FHOD3: variants seen among roughly 807,000 people sequenced by gnomAD.
FHOD3 encodes the protein formin homology 2 domain containing 3.
Under a neutral mutation model 173.0 loss-of-function variants are expected in FHOD3, and 90 were observed. The ratio of observed to expected loss-of-function variants is 0.52; its 90% CI spans 0.44 to 0.62. The LOEUF is 0.62. Among genes scored for constraint, FHOD3 ranks in the 20% least tolerant of loss-of-function variants. The pLI is 0.00. For missense variants in FHOD3, 1,945 were observed against 2,034.7 expected, an observed-to-expected ratio of 0.96 and a Z score of 0.85; for synonymous variants, 828 against 823.0, an observed-to-expected ratio of 1.01 and a Z score of -0.10.
At chr18:36,771,410 C>T (rs2043374330) in intron 28 of FHOD3, among the ~76,000 whole-genome samples, 1 of 152,162 alleles carries the variant, frequency 6.6e-6, no homozygotes, top group South Asian at 2.1e-4. Context: ...ATAACATTTC[C>T]TGTGGTTTTA....
chr18:36,397,143 T>C (rs1456803054), intron 3 of FHOD3, among the ~76,000 whole-genome samples: 4 of 152,246 alleles, frequency 2.6e-5, no homozygotes, highest in Admixed American at 1.3e-4. Context: ...CATGGGACCA[T>C]TGACTTACCT....
chr18:36,404,262 G>T (rs1235428695), intron 3 of FHOD3, among the ~76,000 whole-genome samples: 4 of 152,118 alleles, frequency 2.6e-5, no homozygotes, highest in Non-Finnish European at 5.9e-5. Flanking sequence ...GCCTGCTTGG[G>T]GTGTTGGTGA....
chr18:36,401,358 C>T (rs1232906959), intron 3 of FHOD3, among the ~76,000 whole-genome samples: 3 of 152,226 alleles, frequency 2.0e-5, no homozygotes, highest in Non-Finnish European at 4.4e-5. Flanking sequence ...TTACCTTGAT[C>T]TTGGCCTTCC....
chr18:36,728,467 G>A (rs2041186461), intron 19 of FHOD3, among the ~76,000 whole-genome samples: 1 of 152,166 alleles, frequency 6.6e-6, no homozygotes, highest in Non-Finnish European at 1.5e-5. Context: ...GAAGAGTGGG[G>A]AGGCATGTAT....
At chr18:36,717,549 G>C (rs1469808224) in intron 18 of FHOD3, among the ~76,000 whole-genome samples, 1 of 152,098 alleles carries the variant, frequency 6.6e-6, no homozygotes, top group African/African-American at 2.4e-5. Context: ...CCGCTGCCTT[G>C]GGTGGGCAGG....
At chr18:36,384,570 C>CAA (rs57653216) in intron 3 of FHOD3, among the ~76,000 whole-genome samples, 4,779 of 115,090 alleles carry the variant, frequency 0.042, 241 homozygotes, top group African/African-American at 0.12. Flanking sequence ...AACTGCATCT[C>CAA]AAAAAAAAAA....
intron 3 of FHOD3, among the ~76,000 whole-genome samples, chr18:36,377,281 A>G (rs1268320586): frequency 6.6e-6 from 1 of 152,136 alleles, no homozygotes; most frequent in East Asian, 1.9e-4. Context: ...TTCTGACCAG[A>G]CCGAGTACCA....
chr18:36,748,478 T>C (rs766304389), intron 24 of FHOD3, among the ~76,000 whole-genome samples: 102 of 152,216 alleles, frequency 6.7e-4, no homozygotes, highest in Non-Finnish European at 1.3e-3. Flanking sequence ...TATGAATGTC[T>C]TATAAAGCTG....
chr18:36,545,441 G>T, intron 5 of FHOD3, among the ~76,000 whole-genome samples: 1 of 152,188 alleles, frequency 6.6e-6, no homozygotes, highest in East Asian at 1.9e-4. Context: ...TTCACCCAAA[G>T]AATGGAGCCA....
intron 18 of FHOD3, among the ~76,000 whole-genome samples, chr18:36,713,510 TAATC>T (rs1447045060): frequency 1.3e-5 from 2 of 152,096 alleles, no homozygotes; most frequent in South Asian, 2.1e-4. Context: ...TTCTGAAAAA[TAATC>T]AAAGGGGATG....
At chr18:36,451,726 C>A (rs2144328422) in intron 3 of FHOD3, among the ~76,000 whole-genome samples, 1 of 152,324 alleles carries the variant, frequency 6.6e-6, no homozygotes, top group East Asian at 1.9e-4. Flanking sequence ...AGGATGAAAT[C>A]AGCTTCTCTG....
intron 17 of FHOD3, among the ~76,000 whole-genome samples, chr18:36,704,142 G>C (rs567076166): frequency 1.2e-4 from 18 of 152,162 alleles, no homozygotes; most frequent in Non-Finnish European, 2.1e-4. Flanking sequence ...ATGCAGTTTA[G>C]TGTTGATTTT....
chr18:36,675,941 T>TGTTCA (rs1302404191), intron 14 of FHOD3, among the ~76,000 whole-genome samples: 1 of 152,214 alleles, frequency 6.6e-6, no homozygotes, highest in Non-Finnish European at 1.5e-5. Context: ...TAACTATTGA[T>TGTTCA]GTTCAGTTAG....
rs776850658 is a variant in FHOD3, at chr18:36,709,389, C to T, written c.2531C>T (p.Thr844Ile). 1 of 1,610,816 alleles carries T rather than the reference C, an allele frequency of 6.2e-7. No homozygotes were observed. The highest frequency in any genetic ancestry group is 8.5e-7 in the Non-Finnish European group (1 of 1,177,926). Residue 844 changes from threonine (T) to isoleucine (I), a missense_variant and splice_region_variant, in exon 18 of 29, where the codon ACT becomes ATT. By Grantham distance (89) the Thr-to-Ile change is moderately conservative. Coordinates refer to ENST00000590592, the MANE Select transcript of FHOD3 (RefSeq NM_001281740.3). ...KEDKLSRDRT[T>I]GLWPAGVQDA... ...GACAAGCTCTCCAGGGACAGGACAA[C>T]TGGTAAATGAAGCCCCTTGTTTCAG...
intron 1 of FHOD3, among the ~76,000 whole-genome samples, chr18:36,327,993 A>C (rs902175338): frequency 6.6e-5 from 10 of 152,098 alleles, no homozygotes; most frequent in Admixed American, 1.3e-4. Context: ...AAGCCCCCCC[A>C]CAACCTTAGG....
chr18:36,703,893 T>C (rs1181932608), intron 17 of FHOD3, among the ~76,000 whole-genome samples: 1 of 152,186 alleles, frequency 6.6e-6, no homozygotes, highest in African/African-American at 2.4e-5. Flanking sequence ...CCCCCTTCCA[T>C]GGGTTCTCAT....
At chr18:36,756,398 T>A (rs1307847309) in intron 25 of FHOD3, among the ~76,000 whole-genome samples, 2 of 152,186 alleles carry the variant, frequency 1.3e-5, no homozygotes, top group Non-Finnish European at 2.9e-5. Flanking sequence ...GCACATGGAC[T>A]TCTGGCAATA....
chr18:36,745,801 C>T (rs1421430937), intron 23 of FHOD3, among the ~76,000 whole-genome samples: 5 of 149,730 alleles, frequency 3.3e-5, no homozygotes, highest in East Asian at 2.0e-4. Context: ...CTGCACCCTC[C>T]GCTCACTTCC....
intron 13 of FHOD3, among the ~76,000 whole-genome samples, chr18:36,653,955 A>G (rs1444159039): frequency 1.3e-5 from 2 of 152,218 alleles, no homozygotes; most frequent in Non-Finnish European, 2.9e-5. Context: ...AAGGCTAAGT[A>G]CCTTGACCAG....
Sources: gnomAD v4.1 joint callset for allele counts (sites outside exome capture counted in the v4.1 genomes callset) on GRCh38, gnomAD v4.1.1 for gene constraint, MANE v1.5 for transcripts, NCBI Gene and HGNC (gene_info 2026-07-23, HGNC 2026-07-21) for gene names.